The following AMPH variants were observed in gnomAD, a reference collection of about 807,000 sequenced individuals.
AMPH encodes the protein amphiphysin (Stiff-Mann syndrome with breast cancer 128kD autoantigen).
In AMPH, 49 loss-of-function variants were observed where a neutral mutation model predicts 99.1. The ratio of observed to expected loss-of-function variants is 0.49; its 90% confidence interval spans 0.39 to 0.63. The LOEUF is 0.63. AMPH is among the 20% of genes least tolerant of loss of function. AMPH has a pLI of 0.00. For missense variants in AMPH, 759 were observed against 863.4 expected, an observed-to-expected ratio of 0.88 and a Z score of 1.52; for synonymous variants, 314 against 317.3, an observed-to-expected ratio of 0.99 and a Z score of 0.11.
chr7:38,570,794 C>T (rs1791915883), intron 1 of AMPH, among the ~76,000 whole-genome samples: 1 of 149,032 alleles, frequency 6.7e-6, no homozygotes, highest in Non-Finnish European at 1.5e-5. Context: ...GAGATGACAG[C>T]TGCATGTATG....
chr7:38,418,017 T>A (rs1356520869), intron 16 of AMPH, 67 bp from the exon 17 acceptor site: 23 of 1,508,334 alleles, frequency 1.5e-5, no homozygotes, highest in Non-Finnish European at 2.1e-5. Context: ...CATTACAGAA[T>A]ACTGGACAAT....
At position 38,414,099 on chromosome 7, in the gene AMPH, A is replaced by T; in HGVS notation, c.1398+3726T>A. On this transcript the variant is annotated intron_variant, in intron 17 of 20. Coordinates refer to ENST00000356264, the MANE Select transcript of AMPH (RefSeq NM_001635.4). ...ACAGAGGACTCAAATATATCTGTCA[A>T]CTGAGTAAAAGAGGAAGTGAGCACA... Among the ~76,000 whole-genome samples the T allele has an allele frequency of 1.3e-5, 2 of 152,372 alleles. 1 individual carries two copies. The highest frequency in any genetic ancestry group is 4.1e-4 in the South Asian group (2 of 4,828).
chr7:38,584,884 A>G (rs1399210971), intron 1 of AMPH, among the ~76,000 whole-genome samples: 5 of 152,244 alleles, frequency 3.3e-5, no homozygotes, highest in Admixed American at 3.3e-4. Flanking sequence ...GCAAGGGCAT[A>G]TGTGTATTTC....
intron 2 of AMPH, among the ~76,000 whole-genome samples, chr7:38,507,120 C>T (rs1231299344): frequency 6.6e-6 from 1 of 152,198 alleles, no homozygotes; most frequent in Non-Finnish European, 1.5e-5. Context: ...ATTGCCTTTT[C>T]CTTCAGTAGA....
chr7:38,559,199 C>T (rs1298461976), intron 1 of AMPH, among the ~76,000 whole-genome samples: 1 of 152,220 alleles, frequency 6.6e-6, no homozygotes, highest in Non-Finnish European at 1.5e-5. Flanking sequence ...CCAGCAGGCC[C>T]ACTACTGAAA....
chr7:38,428,698 G>A, intron 14 of AMPH: 1 of 456,710 alleles, frequency 2.2e-6, no homozygotes, highest in Non-Finnish European at 4.4e-6. Context: ...ATATCTGGGT[G>A]ATTGGCAGGT....
At chr7:38,519,874 C>T (rs1196989241) in intron 2 of AMPH, among the ~76,000 whole-genome samples, 1 of 152,072 alleles carries the variant, frequency 6.6e-6, no homozygotes, top group African/African-American at 2.4e-5. Flanking sequence ...TGAAATTAAC[C>T]TAGGTACCTA....
At chr7:38,436,618 C>T (rs1366176497) in intron 11 of AMPH, among the ~76,000 whole-genome samples, 1 of 152,202 alleles carries the variant, frequency 6.6e-6, no homozygotes, top group East Asian at 1.9e-4. Context: ...GAATGTGTCC[C>T]AGGCTCTAGC....
At chr7:38,598,892 T>C (rs1387207663) in intron 1 of AMPH, among the ~76,000 whole-genome samples, 3 of 152,146 alleles carry the variant, frequency 2.0e-5, no homozygotes, top group East Asian at 3.9e-4. Flanking sequence ...CCTGGCTTCT[T>C]AAGTAGACAC....
intron 3 of AMPH, among the ~76,000 whole-genome samples, chr7:38,499,902 T>C (rs1340634596): frequency 2.0e-5 from 3 of 152,200 alleles, no homozygotes; most frequent in African/African-American, 4.8e-5. Context: ...CCCCTGTACA[T>C]ACTCTCCCTT....
intron 1 of AMPH, among the ~76,000 whole-genome samples, chr7:38,590,289 A>C (rs1792807145): frequency 6.6e-6 from 1 of 152,166 alleles, no homozygotes; most frequent in East Asian, 1.9e-4. Context: ...CCTTTAGCCC[A>C]ATCAGGAGCA....
At chr7:38,456,432 A>G (rs1037873804) in intron 11 of AMPH, among the ~76,000 whole-genome samples, 1 of 152,064 alleles carries the variant, frequency 6.6e-6, no homozygotes, top group African/African-American at 2.4e-5. Context: ...CAATCTTGTC[A>G]CCCCAGTGCT....
At chr7:38,610,279 AGAAAGAAAGAAAGAAAG>A (rs1793596055) in intron 1 of AMPH, among the ~76,000 whole-genome samples, 2 of 33,888 alleles carry the variant, frequency 5.9e-5, no homozygotes, top group Non-Finnish European at 5.7e-5. Flanking sequence ...AAAGAAAGAA[AGAAAGAAAGAAAGAAAG>A]AAAAGAAAAG....
At chr7:38,441,741 C>CGTATATATCATATATCTATCATATATATG (rs1786515747) in intron 11 of AMPH, among the ~76,000 whole-genome samples, 2 of 99,298 alleles carry the variant, frequency 2.0e-5, no homozygotes, top group East Asian at 4.7e-4. Flanking sequence ...ATATATATGA[C>CGTATATATCATATATCTATCATATATATG]AGATATATCA....
At chr7:38,498,689 G>A (rs1789018283) in intron 3 of AMPH, among the ~76,000 whole-genome samples, 1 of 152,118 alleles carries the variant, frequency 6.6e-6, no homozygotes, top group African/African-American at 2.4e-5. Context: ...ACTTCTTCTA[G>A]CCTGAATTCC....
intron 3 of AMPH, among the ~76,000 whole-genome samples, chr7:38,497,225 G>A (rs773177533): frequency 5.3e-5 from 8 of 152,056 alleles, no homozygotes; most frequent in South Asian, 2.1e-4. Context: ...TATGATGGGC[G>A]AAAAAAGCTA....
chr7:38,450,436 C>A (rs1372953246), intron 11 of AMPH, among the ~76,000 whole-genome samples: 1 of 152,164 alleles, frequency 6.6e-6, no homozygotes, highest in Non-Finnish European at 1.5e-5. Context: ...TTTCCTAAGT[C>A]TTCCTCTGGC....
intron 1 of AMPH, among the ~76,000 whole-genome samples, chr7:38,620,299 C>T (rs989686422): frequency 2.0e-5 from 3 of 151,120 alleles, no homozygotes; most frequent in Non-Finnish European, 4.4e-5. Flanking sequence ...GCCCCACCCC[C>T]GTGTACATTA....
At chr7:38,396,221 T>A (rs527450454) in intron 17 of AMPH, among the ~76,000 whole-genome samples, 1 of 152,250 alleles carries the variant, frequency 6.6e-6, no homozygotes, top group African/African-American at 2.4e-5. Context: ...TTCCCATGTG[T>A]TGTGGGAGGG....
Sources: allele counts gnomAD v4.1 joint callset (sites outside exome capture counted in the v4.1 genomes callset), GRCh38; gene constraint gnomAD v4.1.1; transcripts MANE v1.5; gene names NCBI Gene and HGNC (gene_info 2026-07-23, HGNC 2026-07-21).